CACNB2: variants seen among roughly 807,000 people sequenced by gnomAD.
CACNB2 encodes calcium voltage-gated channel auxiliary subunit beta 2.
In CACNB2, 42 loss-of-function variants were observed where a neutral mutation model predicts 73.3. The ratio of observed to expected loss-of-function variants is 0.57; its 90% CI spans 0.45 to 0.74. CACNB2 has a LOEUF of 0.74. Ranked by LOEUF, CACNB2 falls within the 30% of genes least tolerant of loss-of-function variation. CACNB2 has a pLI of 0.00. For missense variants in CACNB2, 940 were observed against 853.0 expected (o/e 1.10, Z -1.27); for synonymous variants, 348 against 310.3 (o/e 1.12, Z -1.28).
At chr10:18,418,900 T>C (rs1322828698) in intron 3 of CACNB2, among the ~76,000 whole-genome samples, 3 of 152,238 alleles carry the variant, frequency 2.0e-5, no homozygotes, top group Non-Finnish European at 4.4e-5. Context: ...TTTCATTCCC[T>C]GGATTTTTAA....
intron 3 of CACNB2, among the ~76,000 whole-genome samples, chr10:18,485,656 G>A (rs1439325173): frequency 6.6e-6 from 1 of 150,600 alleles, no homozygotes; most frequent in African/African-American, 2.4e-5. Context: ...CCACCTCCCG[G>A]GCTTAAGTGA....
intron 2 of CACNB2, among the ~76,000 whole-genome samples, chr10:18,188,215 C>A (rs767627065): frequency 1.3e-4 from 20 of 151,598 alleles, no homozygotes; most frequent in Non-Finnish European, 2.5e-4. Context: ...TTCCTGCCTT[C>A]CTTCCGTCTT....
At chr10:18,499,489 C>T (rs919903257) in intron 4 of CACNB2, among the ~76,000 whole-genome samples, 7 of 151,950 alleles carry the variant, frequency 4.6e-5, no homozygotes, top group Non-Finnish European at 8.8e-5. Context: ...GTGGCACATG[C>T]CTGTAATCTC....
At chr10:18,248,302 G>T (rs188876111) in intron 2 of CACNB2, among the ~76,000 whole-genome samples, 1 of 152,120 alleles carries the variant, frequency 6.6e-6, no homozygotes, top group Non-Finnish European at 1.5e-5. Flanking sequence ...TTAAAAATTC[G>T]TATTTCAATT....
In CACNB2 at chr10:18,344,398, C is replaced by G. The variant is rs2041361765; in HGVS notation, c.214-57526C>G. ...TTTTTTTTTTTTTTTTAAACAGAGTCTCACTCTGTCACCCAGGCTGGAGGG... is the reference window on the plus strand; with the variant it reads ...TTTTTTTTTTTTTTTTAAACAGAGTGTCACTCTGTCACCCAGGCTGGAGGG... On this transcript the variant is annotated intron_variant, in intron 2 of 13. Coordinates refer to ENST00000324631, the MANE Select transcript of CACNB2 (RefSeq NM_201596.3). 2.7e-5 allele frequency among the ~76,000 whole-genome samples: 4 copies of G among 149,150 alleles called. 1 individual carries two copies. Among genetic ancestry groups the G allele is most frequent in the Admixed American group, 2.7e-4 (4 of 14,928 alleles).
intron 3 of CACNB2, among the ~76,000 whole-genome samples, chr10:18,491,084 T>C (rs60758986): frequency 0.33 from 50,243 of 152,134 alleles, 8,934 homozygotes; most frequent in East Asian, 0.62. Flanking sequence ...ACCAAGATTT[T>C]TTGGCTTCTT....
At chr10:18,453,749 C>T (rs995389151) in intron 3 of CACNB2, among the ~76,000 whole-genome samples, 1 of 152,190 alleles carries the variant, frequency 6.6e-6, no homozygotes. Context: ...TGTGCCTCAG[C>T]CTCCCAAGTA....
At chr10:18,155,904 TATA>T (rs2032013783) in intron 2 of CACNB2, among the ~76,000 whole-genome samples, 6 of 145,770 alleles carry the variant, frequency 4.1e-5, no homozygotes, top group African/African-American at 1.1e-4. Flanking sequence ...ATATTATATA[TATA>T]TATATATATA....
intron 3 of CACNB2, among the ~76,000 whole-genome samples, chr10:18,451,218 T>C (rs573604032): frequency 1.3e-5 from 2 of 152,198 alleles, no homozygotes; most frequent in African/African-American, 4.8e-5. Flanking sequence ...AGCCTCCTGA[T>C]GTGAGAAAAG....
chr10:18,242,593 G>A (rs982964818), intron 2 of CACNB2, among the ~76,000 whole-genome samples: 1 of 152,132 alleles, frequency 6.6e-6, no homozygotes, highest in Non-Finnish European at 1.5e-5. Flanking sequence ...CACATAAACA[G>A]TTTCTACAAA....
chr10:18,419,329 G>C (rs180958679), intron 3 of CACNB2, among the ~76,000 whole-genome samples: 1 of 137,310 alleles, frequency 7.3e-6, no homozygotes, highest in Non-Finnish European at 1.6e-5. Context: ...TACTTGCATG[G>C]ATCCCTGACA....
intron 5 of CACNB2, 115 bp from the exon 6 acceptor site, chr10:18,506,356 A>G (rs1375199785): frequency 1.4e-6 from 1 of 712,094 alleles, no homozygotes; most frequent in Non-Finnish European, 2.6e-6. Context: ...TCCTTAAATG[A>G]AAGATAAATT....
intron 3 of CACNB2, among the ~76,000 whole-genome samples, chr10:18,432,142 G>A (rs10741060): frequency 0.89 from 135,296 of 151,996 alleles, 60,579 homozygotes; most frequent in African/African-American, 0.97. Flanking sequence ...TTAGAGGGGA[G>A]GAAAAGCTCT....
intron 7 of CACNB2, among the ~76,000 whole-genome samples, chr10:18,517,852 G>C (rs973417665): frequency 1.3e-5 from 2 of 152,136 alleles, no homozygotes; most frequent in Non-Finnish European, 2.9e-5. Flanking sequence ...ATAATATTTT[G>C]AAATGAGGTT....
At chr10:18,355,182 G>T (rs1278179060) in intron 2 of CACNB2, among the ~76,000 whole-genome samples, 1 of 147,026 alleles carries the variant, frequency 6.8e-6, no homozygotes, top group Non-Finnish European at 1.5e-5. Flanking sequence ...GGCATTTCAG[G>T]TAAGGGATAC....
intron 3 of CACNB2, among the ~76,000 whole-genome samples, chr10:18,453,552 G>T (rs143881369): frequency 6.6e-6 from 1 of 152,292 alleles, no homozygotes; most frequent in East Asian, 1.9e-4. Flanking sequence ...ACTGCCGCTC[G>T]TATCACCCTG....
intron 2 of CACNB2, among the ~76,000 whole-genome samples, chr10:18,264,568 G>C (rs568449450): frequency 6.6e-6 from 1 of 152,142 alleles, no homozygotes; most frequent in Non-Finnish European, 1.5e-5. Context: ...CTAACATGGT[G>C]GATTGGTTTT....
At chr10:18,193,053 A>C (rs888114538) in intron 2 of CACNB2, among the ~76,000 whole-genome samples, 12 of 152,168 alleles carry the variant, frequency 7.9e-5, no homozygotes, top group African/African-American at 2.9e-4. Context: ...TTTACAATTC[A>C]TATATAATTG....
At chr10:18,334,458 A>G (rs141295747) in intron 2 of CACNB2, among the ~76,000 whole-genome samples, 75 of 152,292 alleles carry the variant, frequency 4.9e-4, no homozygotes, top group Non-Finnish European at 9.8e-4. Context: ...TCTGAACAAG[A>G]TGGAGAAAGA....
Sources: allele counts gnomAD v4.1 joint callset (sites outside exome capture counted in the v4.1 genomes callset), GRCh38; gene constraint gnomAD v4.1.1; transcripts MANE v1.5; gene names NCBI Gene and HGNC (gene_info 2026-07-23, HGNC 2026-07-21).